Variants in PRR16 observed in about 807,000 individuals in gnomAD.
PRR16 encodes proline rich 16.
A neutral mutation model predicts 18.2 loss-of-function variants in PRR16; 6 were observed. That is an observed-to-expected ratio of 0.33 (90% confidence interval 0.18 to 0.65). PRR16 has a LOEUF of 0.65. PRR16 is among the 30% of genes least tolerant of loss of function. The probability of loss-of-function intolerance (pLI) is 0.74; values close to 1 mark genes in which losing one functional copy is unlikely to be tolerated. For synonymous variants in PRR16, 151 were observed against 147.8 expected, an observed-to-expected ratio of 1.02 and a Z score of -0.16; for missense variants, 412 against 376.6, an observed-to-expected ratio of 1.09 and a Z score of -0.78.
At chr5:120,511,048 T>C (rs954262468) in intron 1 of PRR16, among the ~76,000 whole-genome samples, 5 of 152,142 alleles carry the variant, frequency 3.3e-5, no homozygotes, top group African/African-American at 4.8e-5. Context: ...CTCTTAGGGC[T>C]CCATACACAA....
At chr5:120,727,555 A>G in the PRR16 span, among the ~76,000 whole-genome samples, 1 of 152,124 alleles carries the variant, frequency 6.6e-6, no homozygotes, top group Non-Finnish European at 1.5e-5. Flanking sequence ...CCAGGAGAAT[A>G]TTGTTTAAAC....
intron 1 of PRR16, among the ~76,000 whole-genome samples, chr5:120,665,598 A>AC (rs1756344073): frequency 6.6e-6 from 1 of 152,104 alleles, no homozygotes; most frequent in African/African-American, 2.4e-5. Context: ...TAGGTCTAAC[A>AC]TGTAAGTCTT....
chr5:120,569,404 C>G (rs1277487888), intron 1 of PRR16, among the ~76,000 whole-genome samples: 1 of 152,046 alleles, frequency 6.6e-6, no homozygotes, highest in African/African-American at 2.4e-5. Context: ...CAGGGTTTTC[C>G]CCTCAAAACA....
chr5:120,754,555 T>G, the PRR16 span, among the ~76,000 whole-genome samples: 1 of 70,928 alleles, frequency 1.4e-5, no homozygotes, highest in African/African-American at 6.7e-5. Flanking sequence ...ATATATAATA[T>G]ATATTATATA....
chr5:120,534,556 C>G (rs951547312), intron 1 of PRR16, among the ~76,000 whole-genome samples: 9 of 151,900 alleles, frequency 5.9e-5, no homozygotes, highest in African/African-American at 2.2e-4. Context: ...TTGTATATAT[C>G]ATTTTATAGA....
chr5:120,640,248 C>G (rs1218095005), intron 1 of PRR16, among the ~76,000 whole-genome samples: 1 of 151,894 alleles, frequency 6.6e-6, no homozygotes, highest in Non-Finnish European at 1.5e-5. Flanking sequence ...CTCAGCAACA[C>G]ACAATTTACC....
intron 1 of PRR16, among the ~76,000 whole-genome samples, chr5:120,571,421 A>G (rs1752903240): frequency 6.6e-6 from 1 of 152,130 alleles, no homozygotes; most frequent in Admixed American, 6.6e-5. Flanking sequence ...GAGTACAATA[A>G]ATAATGGTAA....
At chr5:120,543,149 T>A (rs1006402174) in intron 1 of PRR16, among the ~76,000 whole-genome samples, 5 of 152,170 alleles carry the variant, frequency 3.3e-5, no homozygotes, top group Non-Finnish European at 5.9e-5. Context: ...GAGATTCAAC[T>A]TGTAATTATC....
chr5:120,501,731 C>G (rs1029151361), intron 1 of PRR16, among the ~76,000 whole-genome samples: 1 of 151,622 alleles, frequency 6.6e-6, no homozygotes, highest in Non-Finnish European at 1.5e-5. Context: ...CTGAGGCGGG[C>G]AGATCACAAG....
At chr5:120,741,099 C>T in the PRR16 span, among the ~76,000 whole-genome samples, 1 of 151,780 alleles carries the variant, frequency 6.6e-6, no homozygotes, top group Non-Finnish European at 1.5e-5. Context: ...TTTTATGCTG[C>T]AAACATAAAT....
intron 1 of PRR16, among the ~76,000 whole-genome samples, chr5:120,538,032 T>G (rs1011702951): frequency 3.3e-5 from 5 of 152,042 alleles, no homozygotes; most frequent in African/African-American, 1.2e-4. Context: ...CGCCTCGGCC[T>G]CCCAAAGTGC....
At chr5:120,521,269 G>T (rs865810509) in intron 1 of PRR16, among the ~76,000 whole-genome samples, 1 of 151,906 alleles carries the variant, frequency 6.6e-6, no homozygotes, top group Non-Finnish European at 1.5e-5. Context: ...GTATGTTATG[G>T]TCTTATCTAA....
chr5:120,747,895 G>T, the PRR16 span, among the ~76,000 whole-genome samples: 1 of 151,988 alleles, frequency 6.6e-6, no homozygotes, highest in East Asian at 1.9e-4. Flanking sequence ...CGTACTCTTA[G>T]TTCCAAAAAA....
chr5:120,585,210 T>C (rs1411676586), intron 1 of PRR16, among the ~76,000 whole-genome samples: 1 of 152,230 alleles, frequency 6.6e-6, no homozygotes, highest in African/African-American at 2.4e-5. Flanking sequence ...TTCTTATTGT[T>C]TAAATTTTGA....
chr5:120,500,522 T>A (rs1182624144), intron 1 of PRR16, among the ~76,000 whole-genome samples: 1 of 152,238 alleles, frequency 6.6e-6, no homozygotes, highest in Non-Finnish European at 1.5e-5. Flanking sequence ...ATTAAACTTA[T>A]TCTGTATTTG....
chr5:120,523,337 T>TAC (rs1233246973), intron 1 of PRR16, among the ~76,000 whole-genome samples: 4 of 152,226 alleles, frequency 2.6e-5, no homozygotes, highest in Non-Finnish European at 5.9e-5. Context: ...AATTTAGTTG[T>TAC]AGCCTATGGT....
chr5:120,516,259 A>G (rs898501281), intron 1 of PRR16, among the ~76,000 whole-genome samples: 1 of 151,908 alleles, frequency 6.6e-6, no homozygotes, highest in Non-Finnish European at 1.5e-5. Flanking sequence ...CGCCATCTCT[A>G]CCAAAAAATA....
chr5:120,787,390 A>C, the PRR16 span, among the ~76,000 whole-genome samples: 2,099 of 152,236 alleles, frequency 0.014, 54 homozygotes, highest in African/African-American at 0.049. Flanking sequence ...ATATGTAACA[A>C]ATCTTCAAAA....
chr5:120,472,825 GTAGAATGC>G (rs781628638), intron 1 of PRR16, among the ~76,000 whole-genome samples: 71 of 152,226 alleles, frequency 4.7e-4, no homozygotes, highest in Admixed American at 7.9e-4. Flanking sequence ...TGCAAAAGCT[GTAGAATGC>G]TTGTGTGTCT....
Sources: allele counts gnomAD v4.1 joint callset (sites outside exome capture counted in the v4.1 genomes callset), GRCh38; gene constraint gnomAD v4.1.1; transcripts MANE v1.5; gene names NCBI Gene and HGNC (gene_info 2026-07-23, HGNC 2026-07-21).